Variants in IFT56 observed in about 807,000 individuals in gnomAD.
The protein encoded by IFT56 is intraflagellar transport protein 56.
chr7:139,167,243 C>T, the IFT56 span, among the ~76,000 whole-genome samples: 1 of 152,156 alleles, frequency 6.6e-6, no homozygotes, highest in African/African-American at 2.4e-5. Context: ...TGTAACTTGT[C>T]TTTCTTCCCC....
At chr7:139,142,474 G>A in the IFT56 span, among the ~76,000 whole-genome samples, 1 of 152,144 alleles carries the variant, frequency 6.6e-6, no homozygotes, top group Non-Finnish European at 1.5e-5. Context: ...CTCTATCAAT[G>A]TTCTTTACCT....
the IFT56 span, among the ~76,000 whole-genome samples, chr7:139,187,854 T>C: frequency 2.0e-5 from 3 of 152,082 alleles, no homozygotes; most frequent in East Asian, 5.8e-4. Context: ...GCCATTTTTA[T>C]AGGCAAAGTG....
chr7:139,167,243 C>A, the IFT56 span, among the ~76,000 whole-genome samples: 1 of 152,156 alleles, frequency 6.6e-6, no homozygotes, highest in Admixed American at 6.5e-5. Flanking sequence ...TGTAACTTGT[C>A]TTTCTTCCCC....
At chr7:139,189,589 A>C in the IFT56 span, 3 of 581,658 alleles carry the variant, frequency 5.2e-6, no homozygotes, top group African/African-American at 5.7e-5. Flanking sequence ...GCTGAGACTT[A>C]GTCTCCTGGC....
At chr7:139,180,262 G>A in the IFT56 span, among the ~76,000 whole-genome samples, 10 of 152,184 alleles carry the variant, frequency 6.6e-5, no homozygotes, top group Non-Finnish European at 1.3e-4. Context: ...GCGTGAACCC[G>A]GGAGGCGGAG....
the IFT56 span, among the ~76,000 whole-genome samples, chr7:139,150,037 G>A: frequency 2.0e-5 from 3 of 152,198 alleles, no homozygotes; most frequent in Admixed American, 1.3e-4. Flanking sequence ...GATGTCAGAA[G>A]CCACCAAAAT....
At chr7:139,142,397 T>C in the IFT56 span, 2 of 1,129,936 alleles carry the variant, frequency 1.8e-6, no homozygotes, top group Non-Finnish European at 2.6e-6. Context: ...GATATTTAAT[T>C]AGAAATTCTT....
At chr7:139,145,470 G>T in the IFT56 span, among the ~76,000 whole-genome samples, 37,544 of 151,592 alleles carry the variant, frequency 0.25, 8,407 homozygotes, top group African/African-American at 0.57. Flanking sequence ...CGTCACCCAG[G>T]CTGGAGTGCA....
At chr7:139,184,980 G>A in the IFT56 span, among the ~76,000 whole-genome samples, 1 of 151,652 alleles carries the variant, frequency 6.6e-6, no homozygotes, top group East Asian at 1.9e-4. Flanking sequence ...CGTGAACCCG[G>A]GAGGTGGAGC....
chr7:139,159,790 ATTG>A, the IFT56 span, among the ~76,000 whole-genome samples: 1 of 152,138 alleles, frequency 6.6e-6, no homozygotes, highest in Non-Finnish European at 1.5e-5. Flanking sequence ...GGGGTTTATT[ATTG>A]TTATTTTTAA....
the IFT56 span, among the ~76,000 whole-genome samples, chr7:139,164,811 G>T: frequency 6.6e-6 from 1 of 152,122 alleles, no homozygotes; most frequent in African/African-American, 2.4e-5. Context: ...GAATAAAAAA[G>T]AAGGGCAAGG....
At chr7:139,176,783 C>T in the IFT56 span, among the ~76,000 whole-genome samples, 1 of 152,174 alleles carries the variant, frequency 6.6e-6, no homozygotes, top group Non-Finnish European at 1.5e-5. Context: ...TTCATTCACA[C>T]AATAAAAATT....
the IFT56 span, among the ~76,000 whole-genome samples, chr7:139,175,215 C>T: frequency 6.6e-6 from 1 of 151,886 alleles, no homozygotes; most frequent in African/African-American, 2.4e-5. Flanking sequence ...AGAAAAGGGA[C>T]CTTCGTACAC....
the IFT56 span, among the ~76,000 whole-genome samples, chr7:139,138,972 G>C: frequency 2.6e-5 from 4 of 151,884 alleles, no homozygotes; most frequent in Non-Finnish European, 4.4e-5. Context: ...CACCATGCCC[G>C]GCTAATTTTT....
the IFT56 span, among the ~76,000 whole-genome samples, chr7:139,142,972 T>C: frequency 1.3e-5 from 2 of 152,176 alleles, no homozygotes; most frequent in Non-Finnish European, 2.9e-5. Context: ...AATGATAAAA[T>C]TATTTTTTAA....
At chr7:139,147,088 T>C in the IFT56 span, 3 of 1,603,420 alleles carry the variant, frequency 1.9e-6, no homozygotes, top group Non-Finnish European at 2.5e-6. Context: ...AGATATTGAT[T>C]TCTCTAACAA....
chr7:139,160,805 T>C, the IFT56 span: 1 of 539,034 alleles, frequency 1.9e-6, no homozygotes, highest in Non-Finnish European at 3.2e-6. Context: ...ATGTGGGTAA[T>C]AATAATTACA....
the IFT56 span, among the ~76,000 whole-genome samples, chr7:139,185,730 T>C: frequency 6.6e-6 from 1 of 152,018 alleles, no homozygotes; most frequent in Admixed American, 6.5e-5. Flanking sequence ...ACCTGGGTAG[T>C]GTTTACAGTA....
At chr7:139,133,798 G>C in the IFT56 span, 2 of 1,613,214 alleles carry the variant, frequency 1.2e-6, no homozygotes, top group Non-Finnish European at 1.7e-6. Context: ...GTGTGGATGC[G>C]GCGAAACGCT....
Sources: allele counts gnomAD v4.1 joint callset (sites outside exome capture counted in the v4.1 genomes callset), GRCh38; gene constraint gnomAD v4.1.1; transcripts MANE v1.5; gene names NCBI Gene and HGNC (gene_info 2026-07-23, HGNC 2026-07-21).